Variants in ATP11B observed in about 807,000 individuals in gnomAD.
ATP11B encodes the protein ATPase phospholipid transporting 11B (putative), also known as phospholipid-transporting ATPase IF.
In ATP11B, 81 loss-of-function variants were observed where a neutral mutation model predicts 157.8. The ratio of observed to expected loss-of-function variants is 0.51; its 90% CI spans 0.43 to 0.62. ATP11B has a LOEUF of 0.62. Among genes scored for constraint, ATP11B ranks in the 20% least tolerant of loss-of-function variants. The pLI, the probability that ATP11B is intolerant of heterozygous loss-of-function variation, is 0.00. For synonymous variants in ATP11B, 451 were observed against 469.4 expected, an observed-to-expected ratio of 0.96 and a Z score of 0.51; for missense variants, 1,165 against 1,402.2, an observed-to-expected ratio of 0.83 and a Z score of 2.70.
At chr3:182,841,260 A>G (rs1238247819) in intron 7 of ATP11B, among the ~76,000 whole-genome samples, 1 of 152,222 alleles carries the variant, frequency 6.6e-6, no homozygotes, top group Non-Finnish European at 1.5e-5. Flanking sequence ...AATATTTTCT[A>G]GTATACTGTG....
chr3:182,854,436 C>G (rs1212246704), intron 10 of ATP11B, among the ~76,000 whole-genome samples: 1 of 151,960 alleles, frequency 6.6e-6, no homozygotes, highest in African/African-American at 2.4e-5. Flanking sequence ...TGCCATTGCA[C>G]TCCAGCCTGG....
intron 29 of ATP11B, chr3:182,915,781 A>G (rs572118129): frequency 1.0e-6 from 1 of 984,604 alleles, no homozygotes; most frequent in South Asian, 4.7e-5. Flanking sequence ...GAGTTATTGA[A>G]TTTACTTTTA....
chr3:182,880,767 T>C, intron 20 of ATP11B, 112 bp from the exon 21 acceptor site: 1 of 519,072 alleles, frequency 1.9e-6, no homozygotes, highest in Non-Finnish European at 3.2e-6. Flanking sequence ...TAATAAAAAA[T>C]TAAATATTTC....
chr3:182,847,167 C>T (rs1334885607), intron 9 of ATP11B, among the ~76,000 whole-genome samples: 1 of 151,512 alleles, frequency 6.6e-6, no homozygotes, highest in Non-Finnish European at 1.5e-5. Context: ...TCTCCTGCCT[C>T]AGCCTCCCAA....
intron 6 of ATP11B, among the ~76,000 whole-genome samples, chr3:182,836,825 A>G (rs1466297998): frequency 6.6e-6 from 1 of 152,192 alleles, no homozygotes; most frequent in Non-Finnish European, 1.5e-5. Flanking sequence ...TACTTATGAT[A>G]AAGTAATAGT....
rs975060488 is a variant in ATP11B at position 182,918,778 on chromosome 3, G to A, written c.*674G>A. 1.2e-5 allele frequency: 2 copies of A among 160,924 alleles called. No individual in the cohort carries two copies. Among genetic ancestry groups the A allele is most frequent in the Non-Finnish European group, 2.7e-5 (2 of 74,046 alleles). The allele number at this position is 160,924 out of a possible 1,614,324, so 10.0% of individuals were successfully genotyped here. On this transcript the variant is annotated 3_prime_UTR_variant, in exon 30 of 30. Transcript: ENST00000323116. ...TAAAGTTAGCCATATAAATGCAAGG[G>A]TATATCATATATACAAATCAGGAAT...
chr3:182,831,094 G>T (rs1307458299), intron 4 of ATP11B, among the ~76,000 whole-genome samples: 1 of 151,948 alleles, frequency 6.6e-6, no homozygotes, highest in Non-Finnish European at 1.5e-5. Flanking sequence ...ACTATTCTTT[G>T]AACTCCAAAC....
intron 21 of ATP11B, among the ~76,000 whole-genome samples, chr3:182,883,949 C>T (rs918756540): frequency 9.5e-6 from 1 of 105,642 alleles, no homozygotes. Flanking sequence ...AGCGAGACTC[C>T]GTCTCAAAAA....
In ATP11B at chr3:182,889,556, A is replaced by T; in HGVS notation, c.2982+8A>T. ...CTGCTTGGAAATGGCCAGGTAAAGT[A>T]TATAGTTTTTTTAAAGAATGCTTGT... On this transcript the variant is annotated splice_region_variant and intron_variant, in intron 25 of 29. Coordinates refer to ENST00000323116, the MANE Select transcript of ATP11B (RefSeq NM_014616.3). 1 of 1,529,476 alleles carries T rather than the reference A, an allele frequency of 6.5e-7. No homozygotes were observed. The highest frequency in any genetic ancestry group is 8.7e-7 in the Non-Finnish European group (1 of 1,149,438). The allele number at this position is 1,529,476 out of a possible 1,614,324, so 94.7% of individuals were successfully genotyped here. A position where few individuals can be genotyped will look rare whatever the true frequency, so the allele number is the denominator to read the frequency against.
intron 12 of ATP11B, among the ~76,000 whole-genome samples, chr3:182,865,160 AAAAAG>A (rs1381531453): frequency 6.6e-6 from 1 of 152,234 alleles, no homozygotes; most frequent in African/African-American, 2.4e-5. Flanking sequence ...CTTAGCCAAG[AAAAAG>A]AAAAGAAGCA....
chr3:182,846,919 T>C (rs999302786), intron 9 of ATP11B, among the ~76,000 whole-genome samples: 6 of 152,182 alleles, frequency 3.9e-5, no homozygotes, highest in Non-Finnish European at 5.9e-5. Context: ...CACTGAATTA[T>C]ACACTTTAAA....
intron 15 of ATP11B, 31 bp downstream of exon 15, chr3:182,867,475 C>A: frequency 1.4e-6 from 2 of 1,419,484 alleles, no homozygotes; most frequent in Non-Finnish European, 2.0e-6. Context: ...GGAATGTTTT[C>A]TGTGTTAAGT....
Position 182,836,142 on chromosome 3 carries a change from G to A in ATP11B, c.423G>A (p.Arg141=). ...TAAAAACTAGATCAAAAAACATTCG[G>A]GTATGCATCTGGTAAATAATGGAAA... ...GLVKTRSKNI[R]VGDIVRIAKD... is the part of the protein sequence containing the mutation. Residue 141 remains arginine, a splice_region_variant and synonymous_variant, in exon 5 of 30, where the codon CGG becomes CGA. Coordinates refer to ENST00000323116, the MANE Select transcript of ATP11B (RefSeq NM_014616.3). The A allele has an allele frequency of 6.2e-7, 1 of 1,610,142 alleles. No homozygotes were observed. The highest frequency in any genetic ancestry group is 8.5e-7 in the Non-Finnish European group (1 of 1,177,392).
chr3:182,839,672 C>T (rs1021139234), intron 7 of ATP11B, among the ~76,000 whole-genome samples: 20 of 150,304 alleles, frequency 1.3e-4, no homozygotes, highest in African/African-American at 3.7e-4. Flanking sequence ...TGCAGTGACG[C>T]GATCTTAGCT....
At chr3:182,837,406 C>T (rs1017078297) in intron 7 of ATP11B, among the ~76,000 whole-genome samples, 1 of 151,958 alleles carries the variant, frequency 6.6e-6, no homozygotes, top group Non-Finnish European at 1.5e-5. Flanking sequence ...CTTCACATTA[C>T]CTTCTATTTT....
chr3:182,798,319 G>T (rs952279307), intron 1 of ATP11B, among the ~76,000 whole-genome samples: 4 of 152,162 alleles, frequency 2.6e-5, no homozygotes, highest in Non-Finnish European at 5.9e-5. Context: ...TTGAATAAAT[G>T]AATGAGTATC....
intron 28 of ATP11B, 112 bp from the exon 29 acceptor site, chr3:182,913,749 T>C (rs1724956094): frequency 6.5e-6 from 10 of 1,538,970 alleles, no homozygotes; most frequent in African/African-American, 4.2e-5. Flanking sequence ...TAGAAAAACA[T>C]GTAGGTTTAT....
intron 9 of ATP11B, among the ~76,000 whole-genome samples, chr3:182,846,653 A>G (rs1719556357): frequency 6.6e-6 from 1 of 152,256 alleles, no homozygotes; most frequent in South Asian, 2.1e-4. Context: ...AAAAGGAATG[A>G]AGTATTAATG....
At chr3:182,798,732 T>C (rs1560050467) in intron 1 of ATP11B, among the ~76,000 whole-genome samples, 1 of 152,232 alleles carries the variant, frequency 6.6e-6, no homozygotes, top group African/African-American at 2.4e-5. Flanking sequence ...GCACTTGAAG[T>C]GTGTCTACTC....
Sources: gnomAD v4.1 joint callset for allele counts (sites outside exome capture counted in the v4.1 genomes callset) on GRCh38, gnomAD v4.1.1 for gene constraint, MANE v1.5 for transcripts, NCBI Gene and HGNC (gene_info 2026-07-23, HGNC 2026-07-21) for gene names.